Variants in RSU1 observed in about 807,000 individuals in gnomAD.
RSU1 encodes Ras suppressor protein 1.
A neutral mutation model predicts 31.1 loss-of-function variants in RSU1; 26 were observed. The ratio of observed to expected loss-of-function variants is 0.84; its 90% CI spans 0.61 to 1.16. The LOEUF (loss-of-function observed/expected upper bound fraction) is 1.16. Among genes scored for constraint, RSU1 ranks in the 50% most tolerant of loss-of-function variants. The pLI is 0.00. For synonymous variants in RSU1, 164 were observed against 136.3 expected (o/e 1.20, Z -1.41); for missense variants, 320 against 339.1 (o/e 0.94, Z 0.44).
At chr10:16,600,176 CAGT>C (rs1833694176) in intron 8 of RSU1, among the ~76,000 whole-genome samples, 1 of 152,200 alleles carries the variant, frequency 6.6e-6, no homozygotes, top group Admixed American at 6.5e-5. Flanking sequence ...GCGACGCTCT[CAGT>C]GGTGGGAGAT....
At position 16,807,219 on chromosome 10, in the gene RSU1, T is replaced by C. The variant is rs1317913720; in HGVS notation, c.109+9754A>G. 4.6e-5 allele frequency among the ~76,000 whole-genome samples: 7 copies of C among 152,346 alleles called. 1 individual carries two copies. The South Asian group carries it at 6.2e-4, about 14-fold the overall frequency. ...AGAGGCGAAACCTCCTTGCAAGTAA[T>C]TGCTTGTTCTGATGTGTGCCTTTCA... On this transcript the variant is annotated intron_variant, in intron 2 of 8. Transcript: ENST00000345264.
chr10:16,613,637 C>A (rs780019820), intron 8 of RSU1, among the ~76,000 whole-genome samples: 1 of 152,192 alleles, frequency 6.6e-6, no homozygotes, highest in Non-Finnish European at 1.5e-5. Flanking sequence ...GCAGACTTGG[C>A]TGGGAATGTT....
intron 8 of RSU1, among the ~76,000 whole-genome samples, chr10:16,614,467 A>T (rs1184409308): frequency 6.6e-6 from 1 of 152,208 alleles, no homozygotes; most frequent in Non-Finnish European, 1.5e-5. Context: ...CCCCACCACA[A>T]GAGAATTGTA....
At chr10:16,807,473 G>C (rs563751398) in intron 2 of RSU1, among the ~76,000 whole-genome samples, 80 of 152,220 alleles carry the variant, frequency 5.3e-4, no homozygotes, top group Non-Finnish European at 8.7e-4. Context: ...AATGTTCTAA[G>C]TTTGAAGACA....
chr10:16,596,466 C>T (rs1833615271), intron 8 of RSU1, among the ~76,000 whole-genome samples: 1 of 152,182 alleles, frequency 6.6e-6, no homozygotes, highest in African/African-American at 2.4e-5. Context: ...GCCACTGACT[C>T]AATGCTCAAG....
chr10:16,793,842 G>C (rs568968667), intron 2 of RSU1, among the ~76,000 whole-genome samples: 2 of 151,392 alleles, frequency 1.3e-5, no homozygotes, highest in Admixed American at 1.3e-4. Context: ...TTGTCAACTT[G>C]ACTGGGCTAC....
chr10:16,671,481 T>C (rs1835103352), intron 8 of RSU1, among the ~76,000 whole-genome samples: 2 of 152,150 alleles, frequency 1.3e-5, no homozygotes, highest in South Asian at 4.1e-4. Context: ...CAGGGTCTTG[T>C]TCTGTTGTCC....
chr10:16,652,405 A>C (rs1351081264), intron 8 of RSU1, among the ~76,000 whole-genome samples: 2 of 151,272 alleles, frequency 1.3e-5, no homozygotes, highest in Admixed American at 1.3e-4. Context: ...AAAAAAAAAA[A>C]AAAAAAACCC....
At chr10:16,639,462 G>A (rs1588688215) in intron 8 of RSU1, among the ~76,000 whole-genome samples, 1 of 152,166 alleles carries the variant, frequency 6.6e-6, no homozygotes, top group Non-Finnish European at 1.5e-5. Context: ...CTATTGATTA[G>A]TATTAAATTA....
At chr10:16,700,820 C>A (rs17139052) in intron 7 of RSU1, among the ~76,000 whole-genome samples, 2,259 of 152,248 alleles carry the variant, frequency 0.015, 52 homozygotes, top group African/African-American at 0.049. Context: ...TATAGCCATA[C>A]TGTGAAATGC....
intron 7 of RSU1, among the ~76,000 whole-genome samples, chr10:16,733,028 A>G (rs1177392420): frequency 6.6e-6 from 1 of 152,180 alleles, no homozygotes; most frequent in Non-Finnish European, 1.5e-5. Context: ...TCCAGCTCAC[A>G]GAAATATCTT....
intron 8 of RSU1, among the ~76,000 whole-genome samples, chr10:16,649,783 C>A (rs1834645229): frequency 6.6e-6 from 1 of 152,116 alleles, no homozygotes; most frequent in South Asian, 2.1e-4. Context: ...CTCCTGTAAT[C>A]TTGTTTGAAA....
intron 8 of RSU1, among the ~76,000 whole-genome samples, chr10:16,604,942 C>T (rs1335401765): frequency 6.6e-6 from 1 of 152,124 alleles, no homozygotes; most frequent in Non-Finnish European, 1.5e-5. Flanking sequence ...GAAGGATGAG[C>T]CCAGATCTGC....
At chr10:16,723,415 A>G (rs1006213963) in intron 7 of RSU1, among the ~76,000 whole-genome samples, 2 of 152,186 alleles carry the variant, frequency 1.3e-5, no homozygotes, top group Non-Finnish European at 2.9e-5. Flanking sequence ...GTTGGCACCA[A>G]ATTATACACA....
chr10:16,665,190 C>T (rs1298647635), intron 8 of RSU1, among the ~76,000 whole-genome samples: 1 of 152,166 alleles, frequency 6.6e-6, no homozygotes, highest in Non-Finnish European at 1.5e-5. Flanking sequence ...GTGATCCCAC[C>T]TGCCTCAGCC....
chr10:16,719,076 G>T (rs1416160391), intron 7 of RSU1, among the ~76,000 whole-genome samples: 1 of 152,022 alleles, frequency 6.6e-6, no homozygotes, highest in Non-Finnish European at 1.5e-5. Flanking sequence ...ATTGCTTGAA[G>T]GCAGGAGGAT....
intron 8 of RSU1, among the ~76,000 whole-genome samples, chr10:16,600,563 TTTTTA>T (rs1833700093): frequency 1.3e-5 from 2 of 151,204 alleles, no homozygotes; most frequent in Admixed American, 6.6e-5. Context: ...TGTTTTTTTT[TTTTTA>T]GGGGGGGGTG....
intron 8 of RSU1, among the ~76,000 whole-genome samples, chr10:16,688,069 A>AAAC (rs1835472152): frequency 1.3e-5 from 2 of 152,174 alleles, no homozygotes; most frequent in Admixed American, 6.5e-5. Context: ...TCAGTAGAAT[A>AAAC]AACATTCTGG....
chr10:16,722,920 G>GTA (rs1177924700), intron 7 of RSU1, among the ~76,000 whole-genome samples: 2 of 145,744 alleles, frequency 1.4e-5, no homozygotes, highest in Non-Finnish European at 3.0e-5. Context: ...ATACATATAT[G>GTA]TATATATACA....
Sources: allele counts gnomAD v4.1 joint callset (sites outside exome capture counted in the v4.1 genomes callset), GRCh38; gene constraint gnomAD v4.1.1; transcripts MANE v1.5; gene names NCBI Gene and HGNC (gene_info 2026-07-23, HGNC 2026-07-21).